The following SLC5A10 variants were observed in gnomAD, a reference collection of about 807,000 sequenced individuals.
The protein encoded by SLC5A10 is solute carrier family 5 member 10, also known as sodium/mannose cotransporter SLC5A10.
SLC5A10 carries 55 observed loss-of-function variants against 68.9 expected under a neutral mutation model. That is an observed-to-expected ratio of 0.80 (90% CI 0.64 to 1.00). SLC5A10 has a LOEUF of 1.00. SLC5A10 is among the 50% of genes least tolerant of loss of function. SLC5A10 has a pLI of 0.00. For synonymous variants in SLC5A10, 344 were observed against 344.8 expected (o/e 1.00, Z 0.02); for missense variants, 732 against 819.3 (o/e 0.89, Z 1.30).
chr17:18,962,941 G>A (rs2042640444), intron 5 of SLC5A10, among the ~76,000 whole-genome samples: 1 of 152,198 alleles, frequency 6.6e-6, no homozygotes, highest in Non-Finnish European at 1.5e-5. Flanking sequence ...AGAGGGGGCC[G>A]GCGTGGTGGC....
At chr17:18,978,625 G>C in intron 9 of SLC5A10, 1 of 1,613,166 alleles carries the variant, frequency 6.2e-7, no homozygotes, top group Non-Finnish European at 8.5e-7. Context: ...GTGCGTACTT[G>C]GGGTTGACGA....
At position 19,022,245 on chromosome 17, in the gene SLC5A10, G is replaced by C. The variant is rs909219487; in HGVS notation, c.*1814G>C. 1.1e-5 allele frequency: 7 copies of C among 629,190 alleles called. No homozygotes were observed. The Admixed American group carries it at 2.7e-4, about 24-fold the overall frequency. The allele number at this position is 629,190 out of a possible 1,614,324, so 39.0% of individuals were successfully genotyped here. A position where few individuals can be genotyped will look rare whatever the true frequency, so the allele number is the denominator to read the frequency against. On this transcript the variant is annotated 3_prime_UTR_variant, in exon 15 of 15. Coordinates refer to ENST00000395645, the MANE Select transcript of SLC5A10 (RefSeq NM_001042450.4). ...GAAGTGATTTGCCACAGGTGAGGAG[G>C]GGTCTCGGGCAGCACCGGAGTTGAA... is the stretch of plus-strand genomic sequence containing the variant.
At chr17:19,006,434 T>C (rs1319279699) in intron 9 of SLC5A10, among the ~76,000 whole-genome samples, 1 of 148,008 alleles carries the variant, frequency 6.8e-6, no homozygotes, top group Admixed American at 6.9e-5. Flanking sequence ...AGACAAGGCC[T>C]CACTATGTTG....
In SLC5A10 at chr17:19,003,159, T is replaced by G. The variant is rs745865510; in HGVS notation, c.983-10251T>G. Among the ~76,000 whole-genome samples the G allele has an allele frequency of 2.0e-5, 3 of 150,462 alleles. No homozygotes were observed. Among genetic ancestry groups the G allele is most frequent in the African/African-American group, 4.9e-5 (2 of 40,798 alleles). On this transcript the variant is annotated intron_variant, in intron 9 of 14. Transcript: ENST00000395645. The surrounding 1 kb of genome is among the most constrained non-coding windows in gnomAD (Gnocchi z 4.5). ...TCATGGTGTGTGCGCGCCTTTACAG[T>G]GAATCAGAGCCACTCTAAGGGAGAG...
At chr17:18,955,084 TCAAAAAAAA>T (rs1567774341) in intron 1 of SLC5A10, among the ~76,000 whole-genome samples, 1 of 23,102 alleles carries the variant, frequency 4.3e-5, no homozygotes. Flanking sequence ...AAACACTGTA[TCAAAAAAAA>T]AAAAAAAAAA....
At position 19,020,811 on chromosome 17, in the gene SLC5A10, C is replaced by A. The variant is rs568787017; in HGVS notation, c.*380C>A. The A allele has an allele frequency of 4.5e-6, 1 of 223,922 alleles. No individual in the cohort carries two copies. The highest frequency in any genetic ancestry group is 9.0e-6 in the Non-Finnish European group (1 of 110,864). The allele number at this position is 223,922 out of a possible 1,614,324, so 13.9% of individuals were successfully genotyped here. On this transcript the variant is annotated 3_prime_UTR_variant, in exon 15 of 15. Transcript: ENST00000395645. ...CTGGATGGAGGAAGAGCCCCACATG[C>A]CCAGAGCAAGGCCCCCCATTAAGGG...
intron 11 of SLC5A10, 27 bp downstream of exon 11, chr17:19,015,226 G>A (rs777824465): frequency 2.9e-6 from 3 of 1,027,492 alleles, no homozygotes; most frequent in South Asian, 1.5e-5. Flanking sequence ...CAGTACGGGG[G>A]TGGGGGAACA....
Position 18,970,999 on chromosome 17 carries a change from C to A in SLC5A10, c.641-14C>A. The A allele has an allele frequency of 6.2e-7, 1 of 1,613,656 alleles. No homozygotes were observed. The highest frequency in any genetic ancestry group is 1.3e-5 in the African/African-American group (1 of 75,034). ...AACCACCAAACTGTCCCTGTTCCAC[C>A]CTGACCCCTCCAGCTTTTGACCAGA... On this transcript the variant is annotated splice_polypyrimidine_tract_variant and intron_variant, in intron 7 of 14. Coordinates refer to ENST00000395645, the MANE Select transcript of SLC5A10 (RefSeq NM_001042450.4).
intron 9 of SLC5A10, chr17:18,978,555 T>G (rs1293328231): frequency 5.0e-6 from 8 of 1,613,322 alleles, no homozygotes; most frequent in Non-Finnish European, 6.8e-6. Context: ...AGGGGCTTCT[T>G]GGCCTCCTGC....
At position 19,021,068 on chromosome 17, in the gene SLC5A10, T is replaced by C. The variant is rs2044258034; in HGVS notation, c.*637T>C. 6.6e-6 allele frequency: 1 copy of C among 152,598 alleles called. No homozygotes were observed. Among genetic ancestry groups the C allele is most frequent in the Non-Finnish European group, 1.5e-5 (1 of 68,410 alleles). The allele number at this position is 152,598 out of a possible 1,614,324, so 9.5% of individuals were successfully genotyped here. The stretch of plus-strand genomic sequence containing the variant: ...TCTGGAGGACCCTCCTGTTCTCGGG[T>C]AGGGGCCGTGCCCCACCTAGGTAGC... On this transcript the variant is annotated 3_prime_UTR_variant, in exon 15 of 15. Coordinates refer to ENST00000395645, the MANE Select transcript of SLC5A10 (RefSeq NM_001042450.4). This position sits in a 1 kb window ranked among gnomAD's most constrained non-coding sequence, Gnocchi z 4.1.
In SLC5A10 at chr17:18,988,479, C is replaced by G; in HGVS notation, c.982+11490C>G. 1.9e-6 allele frequency: 3 copies of G among 1,586,554 alleles called. No individual in the cohort carries two copies. The South Asian group carries it at 3.4e-5, about 18-fold the overall frequency. ...CAGCAGTGGGGACAGGGTGCCCTGGCAGAGCGCACAGCCCTCCCATGCCAC... is the reference window on the plus strand; with the variant it reads ...CAGCAGTGGGGACAGGGTGCCCTGGGAGAGCGCACAGCCCTCCCATGCCAC... On this transcript the variant is annotated intron_variant, in intron 9 of 14. Transcript: ENST00000395645.
intron 8 of SLC5A10, among the ~76,000 whole-genome samples, chr17:18,974,413 G>A (rs1383630932): frequency 6.6e-6 from 1 of 152,250 alleles, no homozygotes; most frequent in African/African-American, 2.4e-5. Flanking sequence ...ACAGAGCCCT[G>A]GTCTGGGCTC....
intron 1 of SLC5A10, chr17:18,954,286 G>C (rs1444344779): frequency 1.3e-5 from 2 of 152,350 alleles, no homozygotes; most frequent in Non-Finnish European, 2.9e-5. Flanking sequence ...GGGAGACAAG[G>C]CTGTCCTGGC....
chr17:19,019,395 C>T (rs771435412), intron 11 of SLC5A10, 28 bp from the exon 12 acceptor site: 2 of 1,596,428 alleles, frequency 1.3e-6, no homozygotes, highest in Non-Finnish European at 1.7e-6. Flanking sequence ...CCCACGACGA[C>T]CGCTGCCTGC....
intron 9 of SLC5A10, among the ~76,000 whole-genome samples, chr17:18,980,422 A>G (rs1361359148): frequency 6.6e-6 from 1 of 152,108 alleles, no homozygotes; most frequent in Non-Finnish European, 1.5e-5. Context: ...CCCAAGGAGA[A>G]GAGGGCTCCT....
chr17:18,988,345 T>C (rs1597869121), intron 9 of SLC5A10: 5 of 1,614,240 alleles, frequency 3.1e-6, no homozygotes, highest in Non-Finnish European at 4.2e-6. Flanking sequence ...ACTTTCCTCT[T>C]GAAGCCGGCG....
chr17:18,957,470 A>G (rs976289918), intron 1 of SLC5A10, among the ~76,000 whole-genome samples: 7 of 151,886 alleles, frequency 4.6e-5, no homozygotes, highest in Non-Finnish European at 1.0e-4. Context: ...ATTTTATTTT[A>G]TTTTATTTAT....
intron 9 of SLC5A10, among the ~76,000 whole-genome samples, chr17:19,010,836 G>A (rs1455359695): frequency 6.6e-6 from 1 of 152,192 alleles, no homozygotes; most frequent in East Asian, 1.9e-4. Context: ...GGATCCGACT[G>A]TGTCCCCCAG....
intron 9 of SLC5A10, 84 bp downstream of exon 9, chr17:18,977,073 G>A (rs770542664): frequency 1.3e-6 from 2 of 1,569,520 alleles, no homozygotes; most frequent in Non-Finnish European, 8.6e-7. Flanking sequence ...ACCAGAAGAA[G>A]AGGCAAAGGA....
Sources: gnomAD v4.1 joint callset for allele counts (sites outside exome capture counted in the v4.1 genomes callset) on GRCh38, gnomAD v4.1.1 for gene constraint, Gnocchi (gnomAD v3.1) non-coding constraint, MANE v1.5 for transcripts, NCBI Gene and HGNC (gene_info 2026-07-23, HGNC 2026-07-21) for gene names.